The following PPP2R3A variants were observed in gnomAD, a reference collection of about 807,000 sequenced individuals.
PPP2R3A encodes protein phosphatase 2 regulatory subunit B''alpha, also known as serine/threonine-protein phosphatase 2A regulatory subunit B'' subunit alpha.
A neutral mutation model predicts 106.9 loss-of-function variants in PPP2R3A; 80 were observed. The ratio of observed to expected loss-of-function variants is 0.75; its 90% CI spans 0.62 to 0.90. The LOEUF (loss-of-function observed/expected upper bound fraction) is 0.90. Ranked by LOEUF, PPP2R3A falls within the 40% of genes least tolerant of loss-of-function variation. The probability of loss-of-function intolerance (pLI) is 0.00; values close to 1 mark genes in which losing one functional copy is unlikely to be tolerated. For synonymous variants in PPP2R3A, 483 were observed against 468.3 expected, an observed-to-expected ratio of 1.03 and a Z score of -0.41; for missense variants, 1,386 against 1,350.4, an observed-to-expected ratio of 1.03 and a Z score of -0.41.
intron 2 of PPP2R3A, among the ~76,000 whole-genome samples, chr3:136,009,682 G>A (rs1308648160): frequency 6.6e-6 from 1 of 152,118 alleles, no homozygotes; most frequent in East Asian, 1.9e-4. Flanking sequence ...CAGAAACTCT[G>A]GGGGTAGGGC....
At chr3:136,135,373 C>CCCCTTTGAT in intron 13 of PPP2R3A, among the ~76,000 whole-genome samples, 1 of 152,206 alleles carries the variant, frequency 6.6e-6, no homozygotes, top group Non-Finnish European at 1.5e-5. Flanking sequence ...AGGAAAAAGC[C>CCCCTTTGAT]CGTTTACAGG....
Position 135,982,293 on chromosome 3 carries a change from C to T in PPP2R3A, c.-441+16444C>T, listed in dbSNP as rs145464417. ...TCCAGTTGTGCATCTACTGGGTCATCGGGTTCTTTGTCTATATAATGGGTA... is the reference window on the plus strand; with the variant it reads ...TCCAGTTGTGCATCTACTGGGTCATTGGGTTCTTTGTCTATATAATGGGTA... On this transcript the variant is annotated intron_variant, in intron 1 of 13. Coordinates refer to ENST00000264977, the MANE Select transcript of PPP2R3A (RefSeq NM_002718.5). Among the ~76,000 whole-genome samples, 96 of 149,062 alleles carry T rather than the reference C, an allele frequency of 6.4e-4. 1 individual carries two copies. Among genetic ancestry groups the T allele is most frequent in the African/African-American group, 2.4e-3 (91 of 38,510 alleles).
In PPP2R3A at chr3:136,001,112, T is replaced by C. The variant is rs1466081383; in HGVS notation, c.-387T>C. ...TCATTTAAACCTTTGGAGGACTCAG[T>C]TATCACAATACTTCTCTACTACCAA... On this transcript the variant is annotated 5_prime_UTR_variant, in exon 2 of 14. Coordinates refer to ENST00000264977, the MANE Select transcript of PPP2R3A (RefSeq NM_002718.5). The C allele has an allele frequency of 2.5e-6, 1 of 399,232 alleles. No homozygotes were observed. The highest frequency in any genetic ancestry group is 2.1e-5 in the African/African-American group (1 of 48,620). 24.7% of individuals were successfully genotyped at this position (399,232 alleles called of 1,614,324 possible). A position where few individuals can be genotyped will look rare whatever the true frequency, so the allele number is the denominator to read the frequency against.
chr3:136,126,444 G>C (rs972103891), intron 13 of PPP2R3A, among the ~76,000 whole-genome samples: 3 of 152,216 alleles, frequency 2.0e-5, no homozygotes, highest in Non-Finnish European at 1.5e-5. Flanking sequence ...CCTGAGGCTT[G>C]AGTAGGTAGA....
At chr3:135,996,479 T>C (rs1032788750) in intron 1 of PPP2R3A, among the ~76,000 whole-genome samples, 1 of 152,230 alleles carries the variant, frequency 6.6e-6, no homozygotes, top group African/African-American at 2.4e-5. Flanking sequence ...AAGTGTCCAC[T>C]GATATGTAGA....
chr3:135,989,527 A>ATTC (rs10659400), intron 1 of PPP2R3A, among the ~76,000 whole-genome samples: 98,917 of 151,574 alleles, frequency 0.65, 34,192 homozygotes, highest in African/African-American at 0.88. Context: ...CCTTTTGGAA[A>ATTC]TTCTTCATCC....
rs543349917 is a variant in PPP2R3A at position 136,078,497 on chromosome 3, A to G, written c.2631+44A>G. 6 of 1,245,558 alleles carry G rather than the reference A, an allele frequency of 4.8e-6. No individual in the cohort carries two copies. In the African/African-American group the frequency reaches 7.5e-5, roughly 16 times the overall value. 77.2% of individuals were successfully genotyped at this position (1,245,558 alleles called of 1,614,324 possible). Reference sequence around the variant, plus strand: ...TTCATGTGTAATGAGCAATTTAGATAATTTTCTTACTTTATTTAACAAATA... The same window carrying G: ...TTCATGTGTAATGAGCAATTTAGATGATTTTCTTACTTTATTTAACAAATA... On this transcript the variant is annotated intron_variant, in intron 7 of 13. Transcript: ENST00000264977.
chr3:136,127,814 CT>C (rs1211006304), intron 13 of PPP2R3A, among the ~76,000 whole-genome samples: 2 of 152,168 alleles, frequency 1.3e-5, no homozygotes, highest in Non-Finnish European at 2.9e-5. Context: ...AAGCAGATCT[CT>C]TGGCAGAAAC....
chr3:136,128,701 T>A (rs978644600), intron 13 of PPP2R3A, among the ~76,000 whole-genome samples: 4 of 152,122 alleles, frequency 2.6e-5, no homozygotes, highest in African/African-American at 9.7e-5. Flanking sequence ...CCACCCCAAA[T>A]CAACAGAATA....
chr3:136,078,484 G>A (rs3736562), intron 7 of PPP2R3A, 31 bp downstream of exon 7: 1 of 1,316,490 alleles, frequency 7.6e-7, no homozygotes, highest in East Asian at 2.3e-5. Context: ...CATGTGTAAT[G>A]AGCAATTTAG....
intron 10 of PPP2R3A, among the ~76,000 whole-genome samples, chr3:136,099,321 A>G (rs1379191901): frequency 4.6e-5 from 7 of 152,204 alleles, no homozygotes. Context: ...ATACCTGAGT[A>G]AAGCCTCTTG....
chr3:136,127,667 A>G (rs529099029), intron 13 of PPP2R3A, among the ~76,000 whole-genome samples: 1 of 152,206 alleles, frequency 6.6e-6, no homozygotes, highest in South Asian at 2.1e-4. Flanking sequence ...AGAGAACACC[A>G]CAAAGATACT....
intron 1 of PPP2R3A, among the ~76,000 whole-genome samples, chr3:135,991,475 G>A (rs1009907616): frequency 2.0e-5 from 3 of 152,148 alleles, no homozygotes; most frequent in Non-Finnish European, 4.4e-5. Flanking sequence ...TTAGAAAATG[G>A]TAAAAGTTTA....
intron 13 of PPP2R3A, among the ~76,000 whole-genome samples, chr3:136,123,270 C>T (rs868125690): frequency 3.3e-5 from 5 of 151,926 alleles, no homozygotes; most frequent in Admixed American, 6.6e-5. Context: ...ATATTATTCA[C>T]GTCAAAACAG....
At chr3:136,121,424 G>A (rs558114843) in intron 13 of PPP2R3A, among the ~76,000 whole-genome samples, 13 of 152,206 alleles carry the variant, frequency 8.5e-5, no homozygotes, top group African/African-American at 2.6e-4. Context: ...AGACACCAGG[G>A]CCTGCTTGAG....
chr3:136,121,843 A>G (rs1938008156), intron 13 of PPP2R3A, among the ~76,000 whole-genome samples: 2 of 152,184 alleles, frequency 1.3e-5, no homozygotes, highest in African/African-American at 4.8e-5. Flanking sequence ...TGTAATTCCA[A>G]ATCTCAACAT....
At position 136,002,564 on chromosome 3, in the gene PPP2R3A, GA is replaced by G; in HGVS notation, c.1067del (p.Asp356AlafsTer25). On this transcript the variant is annotated frameshift_variant, in exon 2 of 14. Transcript: ENST00000264977. LOFTEE classifies it high-confidence loss of function. Reference protein sequence around the residue: ...GRFQTIELQNDKPNSRKMDTV... With the variant: ...GRFQTIELQNXKPNSRKMDTV... ...ATTTCAAACTATTGAATTGCAAAATGACAAGCCTAATTCTAGGAAGATGGAC... is the reference window on the plus strand; with the variant it reads ...ATTTCAAACTATTGAATTGCAAAATGCAAGCCTAATTCTAGGAAGATGGAC... 6.2e-7 allele frequency: 1 copy of G among 1,613,910 alleles called. No homozygotes were observed. Among genetic ancestry groups the G allele is most frequent in the Non-Finnish European group, 8.5e-7 (1 of 1,179,886 alleles).
At chr3:136,075,305 T>A (rs907317195) in intron 6 of PPP2R3A, among the ~76,000 whole-genome samples, 7 of 152,216 alleles carry the variant, frequency 4.6e-5, no homozygotes, top group Admixed American at 4.6e-4. Context: ...TTGTAAAATT[T>A]TATTTGATAT....
intron 6 of PPP2R3A, among the ~76,000 whole-genome samples, chr3:136,076,062 C>T (rs1354333442): frequency 6.6e-6 from 1 of 152,222 alleles, no homozygotes; most frequent in Non-Finnish European, 1.5e-5. Context: ...TGCCTAGTCC[C>T]AGCTCCCACC....
Sources: allele counts gnomAD v4.1 joint callset (sites outside exome capture counted in the v4.1 genomes callset), GRCh38; gene constraint gnomAD v4.1.1; transcripts MANE v1.5; gene names NCBI Gene and HGNC (gene_info 2026-07-23, HGNC 2026-07-21).